The following COL5A2 variants were observed in gnomAD, a reference collection of about 807,000 sequenced individuals.
COL5A2 encodes the protein collagen alpha-2(V) chain.
A neutral mutation model predicts 208.2 loss-of-function variants in COL5A2; 23 were observed. The ratio of observed to expected loss-of-function variants is 0.11; its 90% CI spans 0.08 to 0.16. COL5A2 has a LOEUF of 0.16. COL5A2 is among the 10% of genes least tolerant of loss of function. The pLI is 1.00. For missense variants in COL5A2, 1,590 were observed against 1,956.4 expected, an observed-to-expected ratio of 0.81 and a Z score of 3.53; for synonymous variants, 625 against 628.5, an observed-to-expected ratio of 0.99 and a Z score of 0.08.
intron 1 of COL5A2, among the ~76,000 whole-genome samples, chr2:189,125,837 T>C (rs950664811): frequency 6.6e-6 from 1 of 152,080 alleles, no homozygotes; most frequent in African/African-American, 2.4e-5. Context: ...AACCCCCATA[T>C]TGTTTGAGAG....
intron 1 of COL5A2, among the ~76,000 whole-genome samples, chr2:189,178,073 T>A (rs571396220): frequency 6.6e-6 from 1 of 152,246 alleles, no homozygotes; most frequent in African/African-American, 2.4e-5. Flanking sequence ...CTACTTTCTA[T>A]TCAATTATTT....
At chr2:189,267,145 T>A in the COL5A2 span, among the ~76,000 whole-genome samples, 1 of 152,142 alleles carries the variant, frequency 6.6e-6, no homozygotes, top group Non-Finnish European at 1.5e-5. Context: ...CAAATGACTT[T>A]TAGTAAACCA....
chr2:189,216,663 C>A (rs963359146), intron 1 of COL5A2, among the ~76,000 whole-genome samples: 4 of 152,012 alleles, frequency 2.6e-5, no homozygotes, highest in Admixed American at 2.6e-4. Context: ...AGGAGTCAAG[C>A]AAATCACAAT....
intron 6 of COL5A2, among the ~76,000 whole-genome samples, chr2:189,095,533 G>A (rs541448789): frequency 1.9e-4 from 28 of 151,080 alleles, no homozygotes; most frequent in African/African-American, 6.6e-4. Context: ...CACACAACAC[G>A]CACACACTTA....
the COL5A2 span, among the ~76,000 whole-genome samples, chr2:189,246,087 C>T: frequency 3.3e-5 from 5 of 152,006 alleles, no homozygotes; most frequent in East Asian, 1.9e-4. Flanking sequence ...AACAGAAATA[C>T]GTTATTTTAT....
chr2:189,185,934 C>T (rs1423400732), intron 1 of COL5A2, among the ~76,000 whole-genome samples: 2 of 151,982 alleles, frequency 1.3e-5, no homozygotes, highest in Non-Finnish European at 2.9e-5. Flanking sequence ...GGAGGAGAAA[C>T]TAGTAATAGA....
intron 14 of COL5A2, 52 bp downstream of exon 14, chr2:189,079,926 A>T: frequency 6.8e-7 from 1 of 1,469,688 alleles, no homozygotes; most frequent in Middle Eastern, 1.7e-4. Context: ...AAACATTTGA[A>T]GCAAAACTAA....
chr2:189,079,191 A>G, intron 14 of COL5A2, 84 bp from the exon 15 acceptor site: 2 of 1,075,216 alleles, frequency 1.9e-6, no homozygotes, highest in Non-Finnish European at 2.8e-6. Context: ...TTTTAAAAGC[A>G]TATTTTCAAA....
At chr2:189,196,791 G>A (rs1689006896) in intron 1 of COL5A2, among the ~76,000 whole-genome samples, 1 of 151,866 alleles carries the variant, frequency 6.6e-6, no homozygotes, top group African/African-American at 2.4e-5. Flanking sequence ...AAAAAGTCAA[G>A]AAACAATAGA....
At chr2:189,347,529 C>T in the COL5A2 span, among the ~76,000 whole-genome samples, 2 of 152,178 alleles carry the variant, frequency 1.3e-5, no homozygotes, top group Admixed American at 6.6e-5. Context: ...ATTGGTGCCA[C>T]AAGTCATCAT....
rs73049496 is a variant in COL5A2 at position 189,079,441 on chromosome 2, A to G, written c.961-334T>C. Among the ~76,000 whole-genome samples, 574 of 152,252 alleles carry G rather than the reference A, an allele frequency of 3.8e-3. 4 individuals carry two copies. The highest frequency in any genetic ancestry group is 0.013 in the African/African-American group (544 of 41,558). On this transcript the variant is annotated intron_variant, in intron 14 of 53. Transcript: ENST00000374866. ...CAAAGCTAAAATTGATTGTAACACT[A>G]TCTTAAGATCTATTCTAGGAGACTT... is the stretch of plus-strand genomic sequence containing the variant.
At chr2:189,135,167 T>G (rs1454835857) in intron 1 of COL5A2, among the ~76,000 whole-genome samples, 1 of 152,220 alleles carries the variant, frequency 6.6e-6, no homozygotes, top group Non-Finnish European at 1.5e-5. Flanking sequence ...AATGACTGGC[T>G]TAATTTAAAA....
the COL5A2 span, among the ~76,000 whole-genome samples, chr2:189,268,346 C>A: frequency 6.6e-6 from 1 of 152,106 alleles, no homozygotes; most frequent in Non-Finnish European, 1.5e-5. Context: ...GTAGTTCCAG[C>A]ACCATTTCTC....
rs374213422 is a variant in COL5A2 at position 189,160,190 on chromosome 2, C to T, written c.97+19318G>A. Among the ~76,000 whole-genome samples, 19 of 152,238 alleles carry T rather than the reference C, an allele frequency of 1.2e-4. No individual in the cohort carries two copies. The South Asian group carries it at 3.5e-3, about 28-fold the overall frequency. On this transcript the variant is annotated intron_variant, in intron 1 of 53. Coordinates refer to ENST00000374866, the MANE Select transcript of COL5A2 (RefSeq NM_000393.5). ...CTGCATCATTCATTCCTTGTAGATT[C>T]AGTGTCCTCATCTTTAATCTGAGGT...
At chr2:189,038,295 T>C (rs1487637932) in intron 51 of COL5A2, among the ~76,000 whole-genome samples, 1 of 152,236 alleles carries the variant, frequency 6.6e-6, no homozygotes, top group African/African-American at 2.4e-5. Flanking sequence ...GGTTTTCTGT[T>C]CCTGTATTAA....
At chr2:189,059,400 A>G (rs186399689) in intron 31 of COL5A2, among the ~76,000 whole-genome samples, 5 of 152,114 alleles carry the variant, frequency 3.3e-5, no homozygotes, top group Non-Finnish European at 4.4e-5. Context: ...TGTCTAAATT[A>G]AAAGTTTGTT....
intron 1 of COL5A2, among the ~76,000 whole-genome samples, chr2:189,173,087 C>A (rs1462658077): frequency 6.6e-6 from 1 of 150,472 alleles, no homozygotes; most frequent in Admixed American, 6.6e-5. Flanking sequence ...TCTCCTGCCT[C>A]AGCCTCCCGA....
chr2:189,287,980 T>C, the COL5A2 span, among the ~76,000 whole-genome samples: 4 of 152,062 alleles, frequency 2.6e-5, no homozygotes, highest in South Asian at 8.3e-4. Context: ...ACTTCCAGAG[T>C]TGTGTATTAC....
At chr2:189,042,379 C>T (rs55974662) in intron 49 of COL5A2, among the ~76,000 whole-genome samples, 12,133 of 152,206 alleles carry the variant, frequency 0.08, 604 homozygotes, top group South Asian at 0.15. Context: ...GCTTCAAAAT[C>T]TGTCTCCACT....
Sources: gnomAD v4.1 joint callset for allele counts (sites outside exome capture counted in the v4.1 genomes callset) on GRCh38, gnomAD v4.1.1 for gene constraint, MANE v1.5 for transcripts, NCBI Gene and HGNC (gene_info 2026-07-23, HGNC 2026-07-21) for gene names.